The following SIRPB2 variants were observed in gnomAD, a reference collection of about 807,000 sequenced individuals.
SIRPB2 encodes signal regulatory protein beta 2.
SIRPB2 carries 18 observed loss-of-function variants against 27.1 expected under a neutral mutation model. That is an observed-to-expected ratio of 0.66 (90% CI 0.46 to 0.98). The LOEUF (loss-of-function observed/expected upper bound fraction) is 0.98. SIRPB2 is among the 50% of genes least tolerant of loss of function. The pLI is 0.00. For synonymous variants in SIRPB2, 150 were observed against 164.6 expected (o/e 0.91, Z 0.68); for missense variants, 420 against 417.4 (o/e 1.01, Z -0.06).
Position 1,476,021 on chromosome 20 carries a change from C to G in SIRPB2, c.*146G>C, listed in dbSNP as rs1439256047. ...GCCCGGTGCAAAGAAGGGAATTTCACTAGGTGGACCAAAACCAGATGTAGG... is the reference window on the plus strand; with the variant it reads ...GCCCGGTGCAAAGAAGGGAATTTCAGTAGGTGGACCAAAACCAGATGTAGG... On this transcript the variant is annotated 3_prime_UTR_variant, in exon 5 of 5. Coordinates refer to ENST00000359801, the MANE Select transcript of SIRPB2 (RefSeq NM_001122962.2). 23 of 865,944 alleles carry G rather than the reference C, an allele frequency of 2.7e-5. No homozygotes were observed. The highest frequency in any genetic ancestry group is 3.9e-5 in the Non-Finnish European group (22 of 563,626). 53.6% of individuals were successfully genotyped at this position (865,944 alleles called of 1,614,324 possible).
intron 1 of SIRPB2, among the ~76,000 whole-genome samples, chr20:1,483,887 T>G (rs1308279453): frequency 6.6e-6 from 1 of 152,144 alleles, no homozygotes; most frequent in African/African-American, 2.4e-5. Flanking sequence ...TTCAGAATTA[T>G]CTTGTATCTT....
chr20:1,489,923 C>A lies in SIRPB2; in HGVS notation c.85+1352G>T, dbSNP rs190996699. On this transcript the variant is annotated intron_variant, in intron 1 of 4. Transcript: ENST00000359801. ...CAACACAGCAGAACATTAAACCAAG[C>A]ATGGGGCCCTTCTAAGCAGGAGGCT... Among the ~76,000 whole-genome samples, 6 of 152,264 alleles carry A rather than the reference C, an allele frequency of 3.9e-5. No homozygotes were observed. In the East Asian group the frequency reaches 7.7e-4, roughly 20 times the overall value.
chr20:1,478,391 T>C lies in SIRPB2; in HGVS notation c.668A>G (p.Asn223Ser). The C allele has an allele frequency of 6.2e-7, 1 of 1,614,174 alleles. No individual in the cohort carries two copies. Among genetic ancestry groups the C allele is most frequent in the Non-Finnish European group, 8.5e-7 (1 of 1,180,042 alleles). ...GTTTTGCAGAAGAATGCTGAAGTCA[T>C]TGTTGGAGGCCTGCACCGCTGTCTC... The part of the protein sequence containing the change: ...PKETAVQASN[N>S]DFSILLQNVS... Residue 223 changes from asparagine (N) to serine (S), a missense_variant, in exon 3 of 5, where the codon AAT becomes AGT. By Grantham distance (46) the Asn-to-Ser change is conservative. Coordinates refer to ENST00000359801, the MANE Select transcript of SIRPB2 (RefSeq NM_001122962.2).
intron 1 of SIRPB2, among the ~76,000 whole-genome samples, chr20:1,489,875 T>C (rs1471399626): frequency 6.6e-6 from 1 of 152,088 alleles, no homozygotes; most frequent in African/African-American, 2.4e-5. Flanking sequence ...GGAATGCAGG[T>C]CCCTTGTTCA....
chr20:1,479,373 G>A (rs1354673620), intron 2 of SIRPB2: 1 of 344,870 alleles, frequency 2.9e-6, no homozygotes, highest in Admixed American at 4.4e-5. Context: ...TGAGCCATGT[G>A]ACTTGCTTTA....
rs905664161 is a variant in SIRPB2, at chr20:1,484,503, C to T, written c.86-4438G>A. Among the ~76,000 whole-genome samples the T allele has an allele frequency of 5.3e-5, 8 of 151,382 alleles. No homozygotes were observed. In the South Asian group the frequency reaches 1.5e-3, roughly 28 times the overall value. On this transcript the variant is annotated intron_variant, in intron 1 of 4. Coordinates refer to ENST00000359801, the MANE Select transcript of SIRPB2 (RefSeq NM_001122962.2). ...TATACAGGAAACTCAAACAACTCAACAGTTAAAAAAAATCTCATTAAAAAG... is the reference window on the plus strand; with the variant it reads ...TATACAGGAAACTCAAACAACTCAATAGTTAAAAAAAATCTCATTAAAAAG...
chr20:1,488,123 C>T (rs1043513182), intron 1 of SIRPB2, among the ~76,000 whole-genome samples: 6 of 151,924 alleles, frequency 3.9e-5, no homozygotes, highest in East Asian at 3.9e-4. Context: ...TCCTGCTGTT[C>T]GGAAAACACT....
chr20:1,475,483 C>G lies in SIRPB2; in HGVS notation c.*684G>C, dbSNP rs974528205. 6.6e-6 allele frequency: 1 copy of G among 152,208 alleles called. No homozygotes were observed. The highest frequency in any genetic ancestry group is 1.5e-5 in the Non-Finnish European group (1 of 68,094). The allele number at this position is 152,208 out of a possible 1,614,324, so 9.4% of individuals were successfully genotyped here. ...TGCACTTAAAGGGGAGGGTCCTGCT[C>G]CCCTTTCCTGCCCTCTTTTCCAGTC... On this transcript the variant is annotated 3_prime_UTR_variant, in exon 5 of 5. Transcript: ENST00000359801.
rs200805923 is a variant in SIRPB2, at chr20:1,479,850, G to A, written c.301C>T (p.Arg101Trp). The A allele has an allele frequency of 5.7e-5, 92 of 1,614,218 alleles. No homozygotes were observed. Among genetic ancestry groups the A allele is most frequent in the South Asian group, 4.8e-4 (44 of 91,090 alleles). Reference protein sequence around the residue: ...SFPGVMPMIQRTSEPLNCDYS... With the variant: ...SFPGVMPMIQWTSEPLNCDYS... ...TCACAATTCAGTGGTTCTGATGTCC[G>A]TTGGATCATGGGCATTACCCCAGGG... The change falls in exon 2 of 5, where the codon CGG becomes TGG. Residue 101 changes from arginine (R) to tryptophan (W), a missense_variant. Physicochemically the swap from Arg to Trp is moderately radical, Grantham distance 101. Coordinates refer to ENST00000359801, the MANE Select transcript of SIRPB2 (RefSeq NM_001122962.2).
intron 2 of SIRPB2, chr20:1,479,357 T>C: frequency 3.2e-6 from 1 of 317,440 alleles, no homozygotes; most frequent in South Asian, 3.5e-5. Flanking sequence ...TCCCTTGACT[T>C]GGAGCTGAGC....
chr20:1,485,983 A>G (rs1436027002), intron 1 of SIRPB2, among the ~76,000 whole-genome samples: 2 of 152,084 alleles, frequency 1.3e-5, no homozygotes, highest in Non-Finnish European at 2.9e-5. Flanking sequence ...TAAAAAGTTC[A>G]ATCTGTTATT....
chr20:1,489,925 T>C (rs945382455), intron 1 of SIRPB2, among the ~76,000 whole-genome samples: 3 of 152,224 alleles, frequency 2.0e-5, no homozygotes, highest in Admixed American at 1.3e-4. Flanking sequence ...AAACCAAGCA[T>C]GGGGCCCTTC....
chr20:1,477,109 C>T lies in SIRPB2; in HGVS notation c.859+229G>A, dbSNP rs1019297450. On this transcript the variant is annotated intron_variant, in intron 4 of 4. Coordinates refer to ENST00000359801, the MANE Select transcript of SIRPB2 (RefSeq NM_001122962.2). ...GCTCACCACCTCTCAAACAACATTT[C>T]CCACTAAACAGTTACATGGCCCTGG... 19 of 1,501,300 alleles carry T rather than the reference C, an allele frequency of 1.3e-5. 1 individual carries two copies. The highest frequency in any genetic ancestry group is 5.3e-6 in the Non-Finnish European group (6 of 1,126,036). The allele number at this position is 1,501,300 out of a possible 1,614,324, so 93.0% of individuals were successfully genotyped here. A position where few individuals can be genotyped will look rare whatever the true frequency, so the allele number is the denominator to read the frequency against.
intron 4 of SIRPB2, chr20:1,476,929 C>G: frequency 2.5e-6 from 3 of 1,181,006 alleles, no homozygotes; most frequent in Non-Finnish European, 3.2e-6. Flanking sequence ...CCCCTCCCCG[C>G]TAGTTCATAG....
chr20:1,482,738 G>T (rs569933650), intron 1 of SIRPB2, among the ~76,000 whole-genome samples: 4 of 151,734 alleles, frequency 2.6e-5, no homozygotes, highest in African/African-American at 9.7e-5. Context: ...AGTTCCATCC[G>T]TGTTGCTGTG....
intron 1 of SIRPB2, among the ~76,000 whole-genome samples, chr20:1,486,914 T>A (rs2090732709): frequency 6.6e-6 from 1 of 152,128 alleles, no homozygotes; most frequent in Admixed American, 6.6e-5. Context: ...TCCCTGCAGA[T>A]CAGGAACTAG....
downstream of SIRPB2, among the ~76,000 whole-genome samples, chr20:1,472,423 C>T (rs866256677): frequency 3.9e-5 from 6 of 152,280 alleles, no homozygotes; most frequent in Middle Eastern, 3.4e-3. Flanking sequence ...GATTTTACAA[C>T]TGAGTCTGTG....
At position 1,478,474 on chromosome 20, in the gene SIRPB2, C is replaced by G. The variant is rs1395702446; in HGVS notation, c.585G>C (p.Gln195His). ...DGPPGPIRWF[Q>H]GAGLSREAIY... ...TGGCCTCCCGGCTCAGACCAGCTCC[C>G]TGGAACCACCTGATGGGTCCAGGGG... The change falls in exon 3 of 5, where the codon CAG becomes CAC. Residue 195 changes from glutamine (Q) to histidine (H), a missense_variant. Physicochemically the swap from Gln to His is conservative, Grantham distance 24 (BLOSUM62 0). Coordinates refer to ENST00000359801, the MANE Select transcript of SIRPB2 (RefSeq NM_001122962.2). 2 of 1,614,066 alleles carry G rather than the reference C, an allele frequency of 1.2e-6. No individual in the cohort carries two copies. The highest frequency in any genetic ancestry group is 1.7e-6 in the Non-Finnish European group (2 of 1,180,040).
rs1300575699 is a variant in SIRPB2 at position 1,478,522 on chromosome 20, G to C, written c.537C>G (p.Asn179Lys). Residue 179 changes from asparagine (N) to lysine (K), a missense_variant, in exon 3 of 5, where the codon AAC becomes AAG. Asn to Lys is a moderately conservative substitution (Grantham distance 94). Coordinates refer to ENST00000359801, the MANE Select transcript of SIRPB2 (RefSeq NM_001122962.2). ...LGTTGDTVFL[N>K]CTVLGDGPPG... ...GGGGACCGTCTCCAAGCACTGTGCA[G>C]TTCAGAAAGACAGTGTCTCCAGTGG... 2 of 1,613,946 alleles carry C rather than the reference G, an allele frequency of 1.2e-6. No individual in the cohort carries two copies.
Sources: allele counts gnomAD v4.1 joint callset (sites outside exome capture counted in the v4.1 genomes callset), GRCh38; gene constraint gnomAD v4.1.1; transcripts MANE v1.5; gene names NCBI Gene and HGNC (gene_info 2026-07-23, HGNC 2026-07-21).